The following NLGN1 variants were observed in gnomAD, a reference collection of about 807,000 sequenced individuals.
NLGN1 encodes the protein neuroligin-1.
A neutral mutation model predicts 65.5 loss-of-function variants in NLGN1; 12 were observed. The ratio of observed to expected loss-of-function variants is 0.18; its 90% CI spans 0.12 to 0.30. The LOEUF is 0.30. NLGN1 is among the 10% of genes least tolerant of loss of function. The pLI is 1.00. For missense variants in NLGN1, 750 were observed against 1,007.1 expected (o/e 0.74, Z 3.46); for synonymous variants, 350 against 359.5 (o/e 0.97, Z 0.30).
chr3:173,682,985 A>G (rs1251511371), intron 3 of NLGN1, among the ~76,000 whole-genome samples: 1 of 152,228 alleles, frequency 6.6e-6, no homozygotes, highest in Non-Finnish European at 1.5e-5. Flanking sequence ...TTAAATTGTC[A>G]TGTAAGTTGC....
intron 2 of NLGN1, among the ~76,000 whole-genome samples, chr3:173,448,242 A>G (rs1720762368): frequency 6.6e-6 from 1 of 152,134 alleles, no homozygotes; most frequent in Non-Finnish European, 1.5e-5. Flanking sequence ...TCCCATCAAT[A>G]CCTAATTTAT....
At chr3:173,404,602 A>T (rs1718271709) in intron 1 of NLGN1, among the ~76,000 whole-genome samples, 1 of 152,198 alleles carries the variant, frequency 6.6e-6, no homozygotes, top group Non-Finnish European at 1.5e-5. Flanking sequence ...AATAGAGTTT[A>T]AATAGATCTA....
At chr3:173,832,410 C>A (rs1722778762) in intron 4 of NLGN1, among the ~76,000 whole-genome samples, 1 of 152,176 alleles carries the variant, frequency 6.6e-6, no homozygotes, top group Admixed American at 6.5e-5. Flanking sequence ...TTGGATAATA[C>A]AGGATTGATA....
At chr3:174,012,571 T>A (rs1350705617) in intron 4 of NLGN1, among the ~76,000 whole-genome samples, 1 of 152,214 alleles carries the variant, frequency 6.6e-6, no homozygotes. Context: ...ACTGTTTATC[T>A]TCTAGTAGAG....
chr3:173,859,862 G>A (rs534063471), intron 4 of NLGN1, among the ~76,000 whole-genome samples: 84 of 151,902 alleles, frequency 5.5e-4, no homozygotes, highest in African/African-American at 1.1e-3. Flanking sequence ...AAAAGTTTGG[G>A]TATAAAGTAA....
chr3:173,434,478 GTATACTTT>G (rs774255156), intron 1 of NLGN1, among the ~76,000 whole-genome samples: 13 of 152,120 alleles, frequency 8.5e-5, no homozygotes, highest in Non-Finnish European at 1.9e-4. Context: ...GTTTCAAGTA[GTATACTTT>G]TGTTTAAAGT....
intron 1 of NLGN1, among the ~76,000 whole-genome samples, chr3:173,428,130 C>G (rs912144168): frequency 2.6e-5 from 4 of 151,674 alleles, no homozygotes; most frequent in Non-Finnish European, 4.4e-5. Flanking sequence ...TTAGCTACTG[C>G]TTTTTTATGG....
At chr3:173,562,725 C>A (rs1219731544) in intron 2 of NLGN1, among the ~76,000 whole-genome samples, 3 of 152,164 alleles carry the variant, frequency 2.0e-5, no homozygotes, top group African/African-American at 7.2e-5. Context: ...TAAGATACAA[C>A]ATTCAACTGA....
intron 4 of NLGN1, among the ~76,000 whole-genome samples, chr3:173,976,336 G>A (rs1386400278): frequency 6.6e-6 from 1 of 152,028 alleles, no homozygotes; most frequent in Non-Finnish European, 1.5e-5. Context: ...ACCCTGGGGA[G>A]TACAACAATG....
At chr3:173,644,969 G>A (rs1357750034) in intron 3 of NLGN1, among the ~76,000 whole-genome samples, 2 of 152,232 alleles carry the variant, frequency 1.3e-5, no homozygotes, top group African/African-American at 4.8e-5. Context: ...GCCCAGCTCA[G>A]AGGCTGGTGG....
intron 4 of NLGN1, among the ~76,000 whole-genome samples, chr3:174,211,644 C>A (rs1347134911): frequency 2.6e-5 from 4 of 151,328 alleles, no homozygotes; most frequent in Admixed American, 6.6e-5. Context: ...AAACCTTGAG[C>A]TAAACACAGG....
chr3:173,659,756 CGTGTGTATGTGT>C (rs1760644421), intron 3 of NLGN1, among the ~76,000 whole-genome samples: 1 of 150,722 alleles, frequency 6.6e-6, no homozygotes, highest in East Asian at 1.9e-4. Context: ...CTTCTGTGTG[CGTGTGTATGTGT>C]GTGTGTATGT....
In NLGN1 at chr3:173,523,035, A is replaced by G. The variant is rs192521827; in HGVS notation, c.-320-81244A>G. On this transcript the variant is annotated intron_variant, in intron 2 of 6. Transcript: ENST00000457714. ...TCTCTAATGATTAGTTATATTGAGCATTTTTTATATGCATGTTGGACAGTT... is the reference window on the plus strand; with the variant it reads ...TCTCTAATGATTAGTTATATTGAGCGTTTTTTATATGCATGTTGGACAGTT... Among the ~76,000 whole-genome samples the G allele has an allele frequency of 4.6e-5, 7 of 151,766 alleles. No individual in the cohort carries two copies. In the East Asian group the frequency reaches 1.4e-3, roughly 29 times the overall value.
intron 1 of NLGN1, among the ~76,000 whole-genome samples, chr3:173,405,007 C>T (rs1038777147): frequency 2.0e-5 from 3 of 151,832 alleles, no homozygotes; most frequent in Non-Finnish European, 4.4e-5. Flanking sequence ...AACATATATC[C>T]ATCTTTTACA....
intron 4 of NLGN1, among the ~76,000 whole-genome samples, chr3:174,218,533 T>C (rs1485722298): frequency 6.6e-6 from 1 of 152,032 alleles, no homozygotes; most frequent in Non-Finnish European, 1.5e-5. Flanking sequence ...TCTTACAGCC[T>C]TGAGAACCTC....
rs889899706 is a variant in NLGN1, at chr3:173,999,817, T to C, written c.646+191985T>C. ...GATTCTAAAGACCTGAATCCACCCT[T>C]GAAGAGTGAAAACATGTTACTAATA... On this transcript the variant is annotated intron_variant, in intron 4 of 6. Coordinates refer to ENST00000457714, the Ensembl canonical transcript of NLGN1. Among the ~76,000 whole-genome samples the C allele has an allele frequency of 4.4e-4, 67 of 152,134 alleles. 1 individual carries two copies. The highest frequency in any genetic ancestry group is 1.5e-3 in the African/African-American group (63 of 41,438).
intron 4 of NLGN1, among the ~76,000 whole-genome samples, chr3:173,898,939 TAG>T (rs1306535940): frequency 3.7e-4 from 56 of 152,152 alleles, no homozygotes; most frequent in Admixed American, 2.8e-3. Flanking sequence ...ACCAAAACAA[TAG>T]CAATAATAAA....
At chr3:174,012,182 A>G (rs1188636328) in intron 4 of NLGN1, among the ~76,000 whole-genome samples, 1 of 152,110 alleles carries the variant, frequency 6.6e-6, no homozygotes, top group Non-Finnish European at 1.5e-5. Context: ...GGCCCTGCAC[A>G]GGCCTCCAAG....
At chr3:173,760,196 A>C (rs1000786344) in intron 3 of NLGN1, among the ~76,000 whole-genome samples, 1 of 151,980 alleles carries the variant, frequency 6.6e-6, no homozygotes, top group Non-Finnish European at 1.5e-5. Context: ...TACTTTGAGC[A>C]CATCCTATCT....
Sources: allele counts gnomAD v4.1 joint callset (sites outside exome capture counted in the v4.1 genomes callset), GRCh38; gene constraint gnomAD v4.1.1; transcripts MANE v1.5; gene names NCBI Gene and HGNC (gene_info 2026-07-23, HGNC 2026-07-21).